Variants in ACSM5 observed in about 807,000 individuals in gnomAD.
ACSM5 encodes acyl-CoA synthetase medium chain family member 5.
ACSM5 carries 56 observed loss-of-function variants against 71.6 expected under a neutral mutation model. The ratio of observed to expected loss-of-function variants is 0.78; its 90% CI spans 0.63 to 0.98. The LOEUF (loss-of-function observed/expected upper bound fraction) is 0.98. Among genes scored for constraint, ACSM5 ranks in the 50% least tolerant of loss-of-function variants. The pLI is 0.00. For missense variants in ACSM5, 723 were observed against 726.0 expected, an observed-to-expected ratio of 1.00 and a Z score of 0.05; for synonymous variants, 285 against 281.5, an observed-to-expected ratio of 1.01 and a Z score of -0.12.
intron 2 of ACSM5, among the ~76,000 whole-genome samples, chr16:20,415,125 G>A (rs1029849214): frequency 1.3e-5 from 2 of 152,122 alleles, no homozygotes; most frequent in African/African-American, 4.8e-5. Context: ...CTTCTTGCTG[G>A]TTATATTACA....
intron 6 of ACSM5, 85 bp from the exon 7 acceptor site, chr16:20,427,703 A>C (rs1314950503): frequency 1.1e-6 from 1 of 908,886 alleles, no homozygotes; most frequent in Non-Finnish European, 1.8e-6. Context: ...TTTGGTACTG[A>C]GACTATAAAG....
intron 7 of ACSM5, among the ~76,000 whole-genome samples, chr16:20,428,579 GT>G (rs1442815401): frequency 1.3e-5 from 2 of 152,144 alleles, no homozygotes; most frequent in Non-Finnish European, 2.9e-5. Context: ...ATGAGGAGTC[GT>G]CCTCTCATCT....
intron 6 of ACSM5, among the ~76,000 whole-genome samples, chr16:20,425,733 T>C (rs1966966390): frequency 6.6e-6 from 1 of 152,200 alleles, no homozygotes; most frequent in Non-Finnish European, 1.5e-5. Context: ...TACAATCTCA[T>C]CCAGGTCCCT....
At chr16:20,418,381 T>C in intron 3 of ACSM5, 112 bp downstream of exon 3, 2 of 1,074,962 alleles carry the variant, frequency 1.9e-6, no homozygotes, top group Non-Finnish European at 1.3e-6. Flanking sequence ...TGTGGAGTTG[T>C]GTTTACTTCC....
intron 10 of ACSM5, among the ~76,000 whole-genome samples, chr16:20,431,895 G>A (rs12924636): frequency 0.076 from 11,278 of 148,386 alleles, 565 homozygotes; most frequent in East Asian, 0.17. Context: ...CCGTGAGCCA[G>A]GATCATTCCA....
At chr16:20,430,385 C>T (rs1201562796) in intron 8 of ACSM5, among the ~76,000 whole-genome samples, 1 of 151,808 alleles carries the variant, frequency 6.6e-6, no homozygotes, top group Non-Finnish European at 1.5e-5. Flanking sequence ...TAAGCAGCGT[C>T]CTCTATAGTC....
Position 20,437,049 on chromosome 16 carries a change from C to T in ACSM5, c.1309-3C>T. On this transcript the variant is annotated splice_region_variant and splice_polypyrimidine_tract_variant and intron_variant, in intron 10 of 13. Coordinates refer to ENST00000331849, the MANE Select transcript of ACSM5 (RefSeq NM_017888.3). ...TCCTTCACGGGTTGTCTTTGTCTTT[C>T]AGGACAATCCTGAGAAGACAGCTGC... The T allele has an allele frequency of 1.2e-6, 2 of 1,614,116 alleles. No individual in the cohort carries two copies. Among genetic ancestry groups the T allele is most frequent in the South Asian group, 2.2e-5 (2 of 91,072 alleles).
intron 4 of ACSM5, 166 bp from the exon 5 acceptor site, chr16:20,421,092 T>C: frequency 1.4e-6 from 1 of 737,862 alleles, no homozygotes; most frequent in Non-Finnish European, 2.0e-6. Context: ...ATAATGATAG[T>C]ACCTACCCCA....
intron 12 of ACSM5, 76 bp downstream of exon 12, chr16:20,437,443 A>G: frequency 1.7e-6 from 2 of 1,170,072 alleles, no homozygotes; most frequent in Non-Finnish European, 2.5e-6. Flanking sequence ...AGGAAGGCTC[A>G]GATTGTCCTG....
intron 10 of ACSM5, among the ~76,000 whole-genome samples, chr16:20,435,663 A>T (rs1967178122): frequency 6.6e-6 from 1 of 152,214 alleles, no homozygotes; most frequent in African/African-American, 2.4e-5. Context: ...TGTCGTCAGT[A>T]TATAATAATT....
chr16:20,421,644 T>C (rs192023688), intron 5 of ACSM5, among the ~76,000 whole-genome samples: 10,321 of 140,472 alleles, frequency 0.073, 741 homozygotes, highest in African/African-American at 0.16. Flanking sequence ...TATATATATA[T>C]ATATATATAT....
chr16:20,440,605 T>C lies in ACSM5; in HGVS notation c.*178T>C, dbSNP rs541438308. On this transcript the variant is annotated 3_prime_UTR_variant, in exon 14 of 14. Transcript: ENST00000331849. ...TGCTGGAAAGAGCAAAAGAATATCA[T>C]TGGCCCTGATCACATAGATGCTGCG... 72 of 603,256 alleles carry C rather than the reference T, an allele frequency of 1.2e-4. 2 individuals carry two copies. Among genetic ancestry groups the C allele is most frequent in the East Asian group, 4.9e-4 (17 of 34,930 alleles). The allele number at this position is 603,256 out of a possible 1,614,324, so 37.4% of individuals were successfully genotyped here.
At chr16:20,417,564 G>A (rs1397673266) in intron 2 of ACSM5, among the ~76,000 whole-genome samples, 1 of 152,162 alleles carries the variant, frequency 6.6e-6, no homozygotes, top group Admixed American at 6.5e-5. Context: ...GGAATGGGAA[G>A]GGACAGCTAA....
chr16:20,439,680 A>T, intron 12 of ACSM5, 120 bp from the exon 13 acceptor site: 1 of 1,262,076 alleles, frequency 7.9e-7, no homozygotes. Context: ...GTGCCCAAAA[A>T]AAACTAGTAG....
chr16:20,428,280 G>C (rs1385482357), intron 7 of ACSM5, among the ~76,000 whole-genome samples: 4 of 152,174 alleles, frequency 2.6e-5, no homozygotes, highest in Non-Finnish European at 5.9e-5. Context: ...TGTGGAGTGG[G>C]GTCTGTGGCC....
At position 20,418,276 on chromosome 16, in the gene ACSM5, A is replaced by G. The variant is rs1185951349; in HGVS notation, c.415+7A>G. 1.9e-6 allele frequency: 3 copies of G among 1,603,950 alleles called. No homozygotes were observed. Among genetic ancestry groups the G allele is most frequent in the Non-Finnish European group, 2.6e-6 (3 of 1,174,556 alleles). On this transcript the variant is annotated splice_region_variant and intron_variant, in intron 3 of 13. Transcript: ENST00000331849. ...GTGGCTTGCATGCGGACAGGTCAGT[A>G]AGCAGGGCTGGGAATTTTAGTTGGG... is the stretch of plus-strand genomic sequence containing the variant.
intron 4 of ACSM5, among the ~76,000 whole-genome samples, chr16:20,420,690 G>A (rs1966874655): frequency 6.6e-6 from 1 of 152,172 alleles, no homozygotes; most frequent in Admixed American, 6.5e-5. Flanking sequence ...GCTGTTACTA[G>A]AATTACTGAG....
intron 3 of ACSM5, among the ~76,000 whole-genome samples, chr16:20,418,909 G>A (rs186913049): frequency 6.6e-6 from 1 of 152,284 alleles, no homozygotes; most frequent in East Asian, 1.9e-4. Flanking sequence ...CTTGCAGGAG[G>A]TTAGGGGGAC....
At chr16:20,412,175 G>A (rs777096527) in intron 2 of ACSM5, 30 of 156,170 alleles carry the variant, frequency 1.9e-4, no homozygotes, top group African/African-American at 4.9e-4. Flanking sequence ...GTGAAACTCC[G>A]TCTCTACTAA....
Sources: gnomAD v4.1 joint callset for allele counts (sites outside exome capture counted in the v4.1 genomes callset) on GRCh38, gnomAD v4.1.1 for gene constraint, MANE v1.5 for transcripts, NCBI Gene and HGNC (gene_info 2026-07-23, HGNC 2026-07-21) for gene names.